RIMS1: variants seen among roughly 807,000 people sequenced by gnomAD.
RIMS1 encodes regulating synaptic membrane exocytosis 1, also known as regulating synaptic membrane exocytosis protein 1.
Under a neutral mutation model 214.1 loss-of-function variants are expected in RIMS1, and 83 were observed. The observed-to-expected ratio is 0.39, with a 90% CI of 0.32 to 0.47. The LOEUF (loss-of-function observed/expected upper bound fraction) is 0.47. Ranked by LOEUF, RIMS1 falls within the 20% of genes least tolerant of loss-of-function variation. RIMS1 has a pLI of 0.99. For synonymous variants in RIMS1, 793 were observed against 786.8 expected, an observed-to-expected ratio of 1.01 and a Z score of -0.13; for missense variants, 2,050 against 2,161.8, an observed-to-expected ratio of 0.95 and a Z score of 1.03.
Position 72,251,050 on chromosome 6 carries a change from C to T in RIMS1, c.2502C>T (p.Asp834=). ...RERMLEITVW[D]QPRVQEEESE... is the part of the protein sequence containing the mutation. ...GAATGTTAGAAATAACTGTGTGGGACCAACCAAGAGTGCAAGAAGAAGAAA... is the reference window on the plus strand; with the variant it reads ...GAATGTTAGAAATAACTGTGTGGGATCAACCAAGAGTGCAAGAAGAAGAAA... The change falls in exon 14 of 34, where the codon GAC becomes GAT. Residue 834 remains aspartate, a synonymous_variant. Transcript: ENST00000521978. The T allele has an allele frequency of 1.3e-6, 2 of 1,585,434 alleles. No homozygotes were observed. The highest frequency in any genetic ancestry group is 1.7e-6 in the Non-Finnish European group (2 of 1,164,782).
intron 2 of RIMS1, among the ~76,000 whole-genome samples, chr6:72,079,035 T>C (rs940906320): frequency 3.9e-5 from 6 of 152,138 alleles, no homozygotes; most frequent in African/African-American, 1.4e-4. Context: ...AAAAAGATGA[T>C]TTAAAAAGCC....
chr6:72,212,983 G>A (rs1262213007), intron 6 of RIMS1: 4 of 1,424,470 alleles, frequency 2.8e-6, no homozygotes, highest in Non-Finnish European at 3.7e-6. Context: ...TTTTCTGCTG[G>A]TCCTGTTGTT....
chr6:71,992,400 CTCTCTCTTTCTT>C (rs1310500340), intron 2 of RIMS1, among the ~76,000 whole-genome samples: 10 of 87,794 alleles, frequency 1.1e-4, no homozygotes, highest in Admixed American at 3.5e-4. Flanking sequence ...TTCTTTCTCT[CTCTCTCTTTCTT>C]TCTTTCTTTC....
chr6:71,932,213 A>T, intron 1 of RIMS1, among the ~76,000 whole-genome samples: 1 of 152,108 alleles, frequency 6.6e-6, no homozygotes, highest in Non-Finnish European at 1.5e-5. Flanking sequence ...TAGCAAAGAC[A>T]TATAATCAAC....
chr6:71,946,318 A>G (rs1787797723), intron 1 of RIMS1, among the ~76,000 whole-genome samples: 1 of 152,210 alleles, frequency 6.6e-6, no homozygotes, highest in Non-Finnish European at 1.5e-5. Flanking sequence ...GACCCTGACT[A>G]GCCAAAGCAA....
At chr6:72,032,291 C>A (rs1411542950) in intron 2 of RIMS1, among the ~76,000 whole-genome samples, 5 of 152,106 alleles carry the variant, frequency 3.3e-5, no homozygotes, top group Non-Finnish European at 7.4e-5. Context: ...AGAACTGATT[C>A]ATTGTCAGTT....
At chr6:72,054,957 T>C (rs1825767971) in intron 2 of RIMS1, among the ~76,000 whole-genome samples, 1 of 152,226 alleles carries the variant, frequency 6.6e-6, no homozygotes, top group Admixed American at 6.5e-5. Context: ...CTTTGGCTTT[T>C]GTTGCAATTG....
chr6:72,123,558 T>G (rs528222126), intron 4 of RIMS1, among the ~76,000 whole-genome samples: 4 of 151,910 alleles, frequency 2.6e-5, no homozygotes, highest in Non-Finnish European at 4.4e-5. Flanking sequence ...ATCTGTCTAA[T>G]ATTGACAGTG....
intron 2 of RIMS1, among the ~76,000 whole-genome samples, chr6:72,039,818 T>G (rs1490723956): frequency 6.6e-6 from 1 of 152,018 alleles, no homozygotes; most frequent in Non-Finnish European, 1.5e-5. Flanking sequence ...GACACTTATC[T>G]AATACAGGTA....
At chr6:71,887,284 G>A (rs2150298672) in intron 1 of RIMS1, 97 bp downstream of exon 1, 2 of 1,477,626 alleles carry the variant, frequency 1.4e-6, no homozygotes, top group South Asian at 1.2e-5. Flanking sequence ...GTGGGGAAGG[G>A]GCTGCCAGGG....
chr6:72,247,739 C>T (rs2070866977), intron 11 of RIMS1, among the ~76,000 whole-genome samples: 1 of 151,966 alleles, frequency 6.6e-6, no homozygotes, highest in Admixed American at 6.6e-5. Flanking sequence ...TGAAGCAGAC[C>T]TTTACCCATA....
chr6:72,142,222 C>T (rs1218820349), intron 4 of RIMS1, among the ~76,000 whole-genome samples: 3 of 151,856 alleles, frequency 2.0e-5, no homozygotes, highest in Admixed American at 1.3e-4. Context: ...TATTGTCCTC[C>T]CTTTATAGGA....
At chr6:72,035,393 A>G (rs1819352486) in intron 2 of RIMS1, among the ~76,000 whole-genome samples, 1 of 152,162 alleles carries the variant, frequency 6.6e-6, no homozygotes, top group Non-Finnish European at 1.5e-5. Context: ...AATTTTATGG[A>G]AGACTCAAAG....
At chr6:72,025,764 A>G (rs1415568231) in intron 2 of RIMS1, among the ~76,000 whole-genome samples, 2 of 152,160 alleles carry the variant, frequency 1.3e-5, no homozygotes, top group Admixed American at 1.3e-4. Context: ...TTTGAGAAAA[A>G]TTTCTATGAG....
At chr6:72,091,158 C>T (rs1836137154) in intron 2 of RIMS1, among the ~76,000 whole-genome samples, 1 of 152,190 alleles carries the variant, frequency 6.6e-6, no homozygotes, top group African/African-American at 2.4e-5. Context: ...CTATCCTGGC[C>T]TCTGCCCTGC....
chr6:72,299,464 T>A (rs1384307148), intron 26 of RIMS1, among the ~76,000 whole-genome samples: 2 of 151,886 alleles, frequency 1.3e-5, no homozygotes, highest in Admixed American at 1.3e-4. Context: ...TATGTGATAA[T>A]TATTGTAACT....
In RIMS1 at chr6:71,981,940, CT is replaced by C. The variant is rs67381172; in HGVS notation, c.245+12887del. 4.4e-4 allele frequency among the ~76,000 whole-genome samples: 66 copies of C among 148,784 alleles called. 2 individuals are homozygous for C. In the South Asian group the frequency reaches 5.7e-3, roughly 13 times the overall value. ...TGCCATTGGAACTTGATATAAATTGCTTTTTTTTTTGGTTTGAACTATGATT... is the reference window on the plus strand; with the variant it reads ...TGCCATTGGAACTTGATATAAATTGCTTTTTTTTTGGTTTGAACTATGATT... On this transcript the variant is annotated intron_variant, in intron 2 of 33. Coordinates refer to ENST00000521978, the MANE Select transcript of RIMS1 (RefSeq NM_014989.7).
At chr6:72,095,893 G>A (rs1029710875) in intron 2 of RIMS1, among the ~76,000 whole-genome samples, 1 of 152,208 alleles carries the variant, frequency 6.6e-6, no homozygotes, top group Non-Finnish European at 1.5e-5. Flanking sequence ...ATTTGAGCAG[G>A]AGTCCCTCTT....
chr6:72,121,087 G>C (rs1562359950), intron 4 of RIMS1, among the ~76,000 whole-genome samples: 1 of 151,888 alleles, frequency 6.6e-6, no homozygotes, highest in African/African-American at 2.4e-5. Flanking sequence ...CAGGTGGTGT[G>C]ATGCCACCAG....
Sources: gnomAD v4.1 joint callset for allele counts (sites outside exome capture counted in the v4.1 genomes callset) on GRCh38, gnomAD v4.1.1 for gene constraint, MANE v1.5 for transcripts, NCBI Gene and HGNC (gene_info 2026-07-23, HGNC 2026-07-21) for gene names.